MFAP3: variants seen among roughly 807,000 people sequenced by gnomAD.
The protein encoded by MFAP3 is microfibril associated protein 3, also known as microfibril-associated glycoprotein 3.
MFAP3 carries 8 observed loss-of-function variants against 20.5 expected under a neutral mutation model. The ratio of observed to expected loss-of-function variants is 0.39; its 90% CI spans 0.23 to 0.70. The LOEUF (loss-of-function observed/expected upper bound fraction) is 0.70, where lower values mean the gene tolerates loss of function less well. MFAP3 is among the 30% of genes least tolerant of loss of function. MFAP3 has a pLI of 0.44. For synonymous variants in MFAP3, 140 were observed against 154.0 expected, an observed-to-expected ratio of 0.91 and a Z score of 0.67; for missense variants, 398 against 444.6, an observed-to-expected ratio of 0.90 and a Z score of 0.94.
In MFAP3 at chr5:154,053,966, A is replaced by G; in HGVS notation, c.*253A>G. On this transcript the variant is annotated 3_prime_UTR_variant, in exon 3 of 3. Transcript: ENST00000522782. The stretch of plus-strand genomic sequence containing the variant: ...AGATTTAAAGGAGCCCCAGATAAAC[A>G]TGATGGGGAAAAGCACTGAACTAAG... 7.4e-6 allele frequency: 3 copies of G among 404,268 alleles called. No homozygotes were observed. Among genetic ancestry groups the G allele is most frequent in the South Asian group, 8.1e-5 (2 of 24,838 alleles). The allele number at this position is 404,268 out of a possible 1,614,324, so 25.0% of individuals were successfully genotyped here.
At chr5:154,040,458 CTT>C (rs950290769) in intron 1 of MFAP3, among the ~76,000 whole-genome samples, 9 of 152,234 alleles carry the variant, frequency 5.9e-5, no homozygotes, top group African/African-American at 1.9e-4. Context: ...CATCATGTAA[CTT>C]TTAGAAAATT....
intron 1 of MFAP3, among the ~76,000 whole-genome samples, chr5:154,040,260 G>A (rs968319069): frequency 6.6e-6 from 1 of 152,108 alleles, no homozygotes; most frequent in Non-Finnish European, 1.5e-5. Context: ...TTCAACAAAG[G>A]TTATTCATTT....
chr5:154,050,151 G>A, intron 2 of MFAP3, 134 bp downstream of exon 2: 1 of 813,866 alleles, frequency 1.2e-6, no homozygotes, highest in South Asian at 2.9e-5. Flanking sequence ...AAGGTCTGGA[G>A]TGTTGTACCT....
rs1773296993 is a variant in MFAP3, at chr5:154,055,146, T to G, written c.*1433T>G. The G allele has an allele frequency of 6.0e-6, 1 of 167,084 alleles. No homozygotes were observed. The highest frequency in any genetic ancestry group is 1.5e-5 in the Non-Finnish European group (1 of 68,112). 10.4% of individuals were successfully genotyped at this position (167,084 alleles called of 1,614,324 possible). On this transcript the variant is annotated 3_prime_UTR_variant, in exon 3 of 3. Coordinates refer to ENST00000522782, the MANE Select transcript of MFAP3 (RefSeq NM_005927.5). ...AATTTTAAGAACTTGGCAGTGGAGC[T>G]CCATTTGGGGCTTCACGTTTCTTCA... is the stretch of plus-strand genomic sequence containing the variant.
rs994176264 is a variant in MFAP3 at position 154,043,054 on chromosome 5, G to A, written c.-167+4043G>A. Among the ~76,000 whole-genome samples the A allele has an allele frequency of 7.9e-5, 12 of 152,238 alleles. No individual in the cohort carries two copies. In the East Asian group the frequency reaches 2.3e-3, roughly 29 times the overall value. ...ACGGCAACAAGACAATCTGTTAGGG[G>A]TGACAGCTATAGGCTCTTCTCTTTT... is the stretch of plus-strand genomic sequence containing the variant. On this transcript the variant is annotated intron_variant, in intron 1 of 2. Coordinates refer to ENST00000522782, the MANE Select transcript of MFAP3 (RefSeq NM_005927.5).
rs934907071 is a variant in MFAP3, at chr5:154,049,660, T to A, written c.-63T>A. On this transcript the variant is annotated 5_prime_UTR_variant, in exon 2 of 3. Transcript: ENST00000522782. Reference sequence around the variant, plus strand: ...CAAGCAATAAATTACCCGCTGTGCTTTTGTTGTAGTGTAGAAGTTTTTGAG... The same window carrying A: ...CAAGCAATAAATTACCCGCTGTGCTATTGTTGTAGTGTAGAAGTTTTTGAG... The A allele has an allele frequency of 6.7e-7, 1 of 1,497,916 alleles. No homozygotes were observed. The highest frequency in any genetic ancestry group is 2.0e-5 in the Admixed American group (1 of 50,944). 92.8% of individuals were successfully genotyped at this position (1,497,916 alleles called of 1,614,324 possible).
At chr5:154,048,397 C>T (rs186471267) in intron 1 of MFAP3, among the ~76,000 whole-genome samples, 348 of 152,132 alleles carry the variant, frequency 2.3e-3, no homozygotes, top group South Asian at 0.01. Flanking sequence ...ACATTTGCAC[C>T]GTATTGTAAT....
Position 154,048,353 on chromosome 5 carries a change from A to G in MFAP3, c.-166-1204A>G, listed in dbSNP as rs544762203. Among the ~76,000 whole-genome samples, 3 of 152,270 alleles carry G rather than the reference A, an allele frequency of 2.0e-5. No individual in the cohort carries two copies. The South Asian group carries it at 6.2e-4, about 32-fold the overall frequency. ...GAAAAGTATTTGTCACCATTCAACC[A>G]TCCTTTCAAGGGTTAATTAATGAAA... On this transcript the variant is annotated intron_variant, in intron 1 of 2. Coordinates refer to ENST00000522782, the MANE Select transcript of MFAP3 (RefSeq NM_005927.5).
intron 2 of MFAP3, among the ~76,000 whole-genome samples, chr5:154,051,136 A>T (rs573874317): frequency 6.6e-6 from 1 of 152,216 alleles, no homozygotes; most frequent in Non-Finnish European, 1.5e-5. Flanking sequence ...TTTAAAATAC[A>T]TAACTATTGA....
chr5:154,039,733 CAG>C (rs1772867081), intron 1 of MFAP3, among the ~76,000 whole-genome samples: 1 of 152,140 alleles, frequency 6.6e-6, no homozygotes, highest in African/African-American at 2.4e-5. Flanking sequence ...TCCAGACTGA[CAG>C]AGCTAGTAAA....
intron 2 of MFAP3, chr5:154,052,018 G>C (rs1467932353): frequency 2.6e-5 from 4 of 152,156 alleles, no homozygotes; most frequent in Non-Finnish European, 5.9e-5. Flanking sequence ...TATCACAAAA[G>C]TAGGAATTAT....
intron 1 of MFAP3, among the ~76,000 whole-genome samples, chr5:154,048,873 A>G (rs903143859): frequency 6.6e-6 from 1 of 152,162 alleles, no homozygotes; most frequent in Non-Finnish European, 1.5e-5. Context: ...GTCTCTTCGT[A>G]TTGGAGAAAC....
chr5:154,048,959 A>G (rs1773120922), intron 1 of MFAP3, among the ~76,000 whole-genome samples: 1 of 149,270 alleles, frequency 6.7e-6, no homozygotes, highest in Non-Finnish European at 1.5e-5. Context: ...CAATAACTCT[A>G]TTTATGTGTA....
At chr5:154,040,974 G>T (rs1772933304) in intron 1 of MFAP3, among the ~76,000 whole-genome samples, 1 of 152,128 alleles carries the variant, frequency 6.6e-6, no homozygotes, top group Non-Finnish European at 1.5e-5. Context: ...AAAATTTTGA[G>T]CACTTGCCAC....
In MFAP3 at chr5:154,054,630, C is replaced by T. The variant is rs144489618; in HGVS notation, c.*917C>T. ...ATTTCTGTTAACAGAATTTCTCAGGCTTTCCCTTTTTAAAAGTATTGGACT... is the reference window on the plus strand; with the variant it reads ...ATTTCTGTTAACAGAATTTCTCAGGTTTTCCCTTTTTAAAAGTATTGGACT... On this transcript the variant is annotated 3_prime_UTR_variant, in exon 3 of 3. Transcript: ENST00000522782. 3 of 167,096 alleles carry T rather than the reference C, an allele frequency of 1.8e-5. No homozygotes were observed. Among genetic ancestry groups the T allele is most frequent in the Non-Finnish European group, 4.4e-5 (3 of 68,090 alleles). The allele number at this position is 167,096 out of a possible 1,614,324, so 10.4% of individuals were successfully genotyped here. A position where few individuals can be genotyped will look rare whatever the true frequency, so the allele number is the denominator to read the frequency against.
rs1396765465 is a variant in MFAP3, at chr5:154,053,220, C to G, written c.596C>G (p.Ala199Gly). Residue 199 changes from alanine to glycine, a missense_variant, in exon 3 of 3, where the codon GCC becomes GGC. Transcript: ENST00000522782. ...GAAGGGGCTGAGAAACTTCAGAAGG[C>G]CTTTGAGATTGCAAAACGTATCCCC... Reference protein sequence around the residue: ...RTEGAEKLQKAFEIAKRIPII... With the variant: ...RTEGAEKLQKGFEIAKRIPII... 1.9e-6 allele frequency: 3 copies of G among 1,613,810 alleles called. No homozygotes were observed. The highest frequency in any genetic ancestry group is 1.1e-5 in the South Asian group (1 of 91,080).
rs1405928907 is a variant in MFAP3 at position 154,049,686 on chromosome 5, T to A, written c.-37T>A. On this transcript the variant is annotated 5_prime_UTR_variant, in exon 2 of 3. Coordinates refer to ENST00000522782, the MANE Select transcript of MFAP3 (RefSeq NM_005927.5). ...TTGTTGTAGTGTAGAAGTTTTTGAG[T>A]TCTCCAAATCTAAACAAGATTTTGT... 6.3e-7 allele frequency: 1 copy of A among 1,580,168 alleles called. No individual in the cohort carries two copies. The highest frequency in any genetic ancestry group is 1.8e-5 in the Admixed American group (1 of 56,288).
Position 154,049,781 on chromosome 5 carries a change from T to C in MFAP3, c.59T>C (p.Phe20Ser). ...GCAAGTATTATTGTGCCAGCTGCTTTTGTTTTGGAAGATGTGGACTTCGAC... is the reference window on the plus strand; with the variant it reads ...GCAAGTATTATTGTGCCAGCTGCTTCTGTTTTGGAAGATGTGGACTTCGAC... ...LVASIIVPAA[F>S]VLEDVDFDQM... Residue 20 changes from phenylalanine to serine, a missense_variant, in exon 2 of 3, where the codon TTT (phenylalanine) becomes TCT (serine). Coordinates refer to ENST00000522782, the MANE Select transcript of MFAP3 (RefSeq NM_005927.5). 1 of 1,613,716 alleles carries C rather than the reference T, an allele frequency of 6.2e-7. No homozygotes were observed. The highest frequency in any genetic ancestry group is 8.5e-7 in the Non-Finnish European group (1 of 1,179,720).
Position 154,053,180 on chromosome 5 carries a change from G to A in MFAP3, c.556G>A (p.Glu186Lys). Residue 186 changes from glutamate (E) to lysine (K), a missense_variant, in exon 3 of 3, where the codon GAG becomes AAG. Physicochemically the swap from Glu to Lys is moderately conservative, Grantham distance 56. Transcript: ENST00000522782. ...HLRKTEKAIN[E>K]FFRTEGAEKL... ...TCGCAAGACTGAGAAGGCTATCAAT[G>A]AGTTCTTTAGAACTGAAGGGGCTGA... 6.2e-7 allele frequency: 1 copy of A among 1,613,924 alleles called. No individual in the cohort carries two copies. The highest frequency in any genetic ancestry group is 8.5e-7 in the Non-Finnish European group (1 of 1,179,908).
Sources: gnomAD v4.1 joint callset for allele counts (sites outside exome capture counted in the v4.1 genomes callset) on GRCh38, gnomAD v4.1.1 for gene constraint, MANE v1.5 for transcripts, NCBI Gene and HGNC (gene_info 2026-07-23, HGNC 2026-07-21) for gene names.